The following CHSY1 variants were observed in gnomAD, a reference collection of about 807,000 sequenced individuals.
CHSY1 encodes chondroitin sulfate synthase 1.
In CHSY1, 13 loss-of-function variants were observed where a neutral mutation model predicts 59.8. That is an observed-to-expected ratio of 0.22 (90% CI 0.14 to 0.35). The LOEUF is 0.35. CHSY1 is among the 10% of genes least tolerant of loss of function. CHSY1 has a pLI of 1.00. For synonymous variants in CHSY1, 459 were observed against 401.2 expected (o/e 1.14, Z -1.72); for missense variants, 947 against 1,030.6 (o/e 0.92, Z 1.11).
At chr15:101,243,490 T>C (rs774879903) in intron 1 of CHSY1, among the ~76,000 whole-genome samples, 1 of 152,196 alleles carries the variant, frequency 6.6e-6, no homozygotes, top group Non-Finnish European at 1.5e-5. Context: ...CACCGTCCTC[T>C]ATAAAGCCCA....
At chr15:101,193,753 C>T (rs917630315) in intron 2 of CHSY1, among the ~76,000 whole-genome samples, 2 of 152,206 alleles carry the variant, frequency 1.3e-5, no homozygotes, top group African/African-American at 4.8e-5. Context: ...GCACACAATA[C>T]CAACACTCCT....
In CHSY1 at chr15:101,217,840, G is replaced by A. The variant is rs141610206; in HGVS notation, c.816+17242C>T. Reference sequence around the variant, plus strand: ...GGAAGGAGAGTGTAACTCCCCACCCGTAAGTGTGAGCTGCATATTAGTGAC... The same window carrying A: ...GGAAGGAGAGTGTAACTCCCCACCCATAAGTGTGAGCTGCATATTAGTGAC... On this transcript the variant is annotated intron_variant, in intron 2 of 2. Coordinates refer to ENST00000254190, the MANE Select transcript of CHSY1 (RefSeq NM_014918.5). 3.7e-3 allele frequency among the ~76,000 whole-genome samples: 562 copies of A among 152,260 alleles called. 5 individuals carry two copies. The highest frequency in any genetic ancestry group is 0.012 in the African/African-American group (497 of 41,542).
Position 101,178,822 on chromosome 15 carries a change from G to A in CHSY1, c.975C>T (p.Ser325=), listed in dbSNP as rs142783588. 2.6e-4 allele frequency: 413 copies of A among 1,614,178 alleles called. 2 individuals carry two copies. The African/African-American group carries it at 4.1e-3, about 16-fold the overall frequency. The change falls in exon 3 of 3, where the codon TCC becomes TCT. Residue 325 remains serine, a synonymous_variant. Coordinates refer to ENST00000254190, the MANE Select transcript of CHSY1 (RefSeq NM_014918.5). ...LHSYMLSRKI[S]ELRHRTIQLH... ...GCTGTATTGTGCGATGGCGGAGCTC[G>A]GATATCTTGCGGCTCAGCATGTAGC...
In CHSY1 at chr15:101,239,225, A is replaced by G. The variant is rs146778257; in HGVS notation, c.321-3648T>C. 1.9e-3 allele frequency among the ~76,000 whole-genome samples: 287 copies of G among 152,360 alleles called. 3 individuals carry two copies. The highest frequency in any genetic ancestry group is 6.4e-3 in the African/African-American group (267 of 41,586). On this transcript the variant is annotated intron_variant, in intron 1 of 2. Transcript: ENST00000254190. ...ACTGAATACTGCCCACTCATGTACA[A>G]TAAGTAACTTAATGGTGCCACACGT...
chr15:101,191,732 C>T (rs1456910600), intron 2 of CHSY1, among the ~76,000 whole-genome samples: 5 of 151,838 alleles, frequency 3.3e-5, no homozygotes, highest in African/African-American at 1.2e-4. Context: ...CCTAAAGCTC[C>T]TCCAAAAAAC....
chr15:101,236,243 G>A (rs1055779583), intron 1 of CHSY1, among the ~76,000 whole-genome samples: 1 of 152,154 alleles, frequency 6.6e-6, no homozygotes, highest in African/African-American at 2.4e-5. Flanking sequence ...GGCTGATACG[G>A]TTTGGCTGTG....
At position 101,175,814 on chromosome 15, in the gene CHSY1, T is replaced by C. The variant is rs375130206; in HGVS notation, c.*1574A>G. 7.1e-5 allele frequency: 11 copies of C among 154,566 alleles called. No individual in the cohort carries two copies. Among genetic ancestry groups the C allele is most frequent in the South Asian group, 2.1e-4 (1 of 4,846 alleles). 9.6% of individuals were successfully genotyped at this position (154,566 alleles called of 1,614,324 possible). A position where few individuals can be genotyped will look rare whatever the true frequency, so the allele number is the denominator to read the frequency against. ...AGACAAAATGGTTCGAAAAGTACAA[T>C]AGAAAAATATTGTTCACTGGTTTAT... On this transcript the variant is annotated 3_prime_UTR_variant, in exon 3 of 3. Coordinates refer to ENST00000254190, the MANE Select transcript of CHSY1 (RefSeq NM_014918.5).
intron 2 of CHSY1, among the ~76,000 whole-genome samples, chr15:101,182,626 C>T (rs1035997400): frequency 6.6e-6 from 1 of 152,152 alleles, no homozygotes; most frequent in Non-Finnish European, 1.5e-5. Context: ...AGGACCCTGC[C>T]CTCATATCCC....
chr15:101,223,539 A>T (rs2038811329), intron 2 of CHSY1, among the ~76,000 whole-genome samples: 1 of 151,270 alleles, frequency 6.6e-6, no homozygotes, highest in African/African-American at 2.4e-5. Context: ...GTACTTCCAC[A>T]CTGGGACTCA....
At chr15:101,203,456 C>G (rs2038593221) in intron 2 of CHSY1, among the ~76,000 whole-genome samples, 1 of 149,658 alleles carries the variant, frequency 6.7e-6, no homozygotes, top group South Asian at 2.1e-4. Context: ...TACGGCTGCT[C>G]AACAATATCA....
intron 1 of CHSY1, among the ~76,000 whole-genome samples, chr15:101,241,734 G>A (rs1373152639): frequency 2.0e-5 from 3 of 152,164 alleles, no homozygotes; most frequent in African/African-American, 4.8e-5. Flanking sequence ...AGTTTAAAAG[G>A]ACTCATGATA....
intron 2 of CHSY1, 118 bp from the exon 3 acceptor site, chr15:101,179,098 C>A: frequency 1.0e-6 from 1 of 1,000,210 alleles, no homozygotes; most frequent in Non-Finnish European, 1.5e-6. Context: ...ACACAAAAGG[C>A]CCTAGATAAG....
chr15:101,235,871 T>TA (rs1373983067), intron 1 of CHSY1, among the ~76,000 whole-genome samples: 2 of 152,172 alleles, frequency 1.3e-5, no homozygotes, highest in Non-Finnish European at 2.9e-5. Flanking sequence ...GTATACAGAT[T>TA]AATTTTGTGA....
chr15:101,183,668 C>G (rs1260156192), intron 2 of CHSY1, among the ~76,000 whole-genome samples: 1 of 152,022 alleles, frequency 6.6e-6, no homozygotes, highest in Non-Finnish European at 1.5e-5. Context: ...AATGACCATG[C>G]AAGGAGGCAC....
chr15:101,201,031 C>T (rs2038568877), intron 2 of CHSY1, among the ~76,000 whole-genome samples: 1 of 151,880 alleles, frequency 6.6e-6, no homozygotes, highest in African/African-American at 2.4e-5. Context: ...GGAGCCTGTA[C>T]ACCTTCTGAA....
At chr15:101,237,126 A>G (rs1397726016) in intron 1 of CHSY1, among the ~76,000 whole-genome samples, 1 of 147,168 alleles carries the variant, frequency 6.8e-6, no homozygotes, top group Non-Finnish European at 1.5e-5. Flanking sequence ...CAGGAGGCTG[A>G]GGCAGAAGAA....
chr15:101,201,702 C>T (rs1245252415), intron 2 of CHSY1, among the ~76,000 whole-genome samples: 1 of 152,208 alleles, frequency 6.6e-6, no homozygotes, highest in Non-Finnish European at 1.5e-5. Flanking sequence ...CACAGACAGG[C>T]GTTCCCTGGC....
intron 1 of CHSY1, among the ~76,000 whole-genome samples, chr15:101,249,420 T>C (rs1243204736): frequency 6.6e-6 from 1 of 150,736 alleles, no homozygotes; most frequent in East Asian, 1.9e-4. Flanking sequence ...CCTCAGGTAA[T>C]GCAAGGTAGA....
At chr15:101,225,050 C>A (rs944450605) in intron 2 of CHSY1, among the ~76,000 whole-genome samples, 1 of 152,224 alleles carries the variant, frequency 6.6e-6, no homozygotes, top group Non-Finnish European at 1.5e-5. Context: ...CCAACTCATC[C>A]TGCCTGCTCT....
Sources: allele counts gnomAD v4.1 joint callset (sites outside exome capture counted in the v4.1 genomes callset), GRCh38; gene constraint gnomAD v4.1.1; transcripts MANE v1.5; gene names NCBI Gene and HGNC (gene_info 2026-07-23, HGNC 2026-07-21).